The following RAD51B variants were observed in gnomAD, a reference collection of about 807,000 sequenced individuals.
RAD51B encodes RAD51 paralog B, also known as DNA repair protein RAD51 homolog 2.
A neutral mutation model predicts 42.2 loss-of-function variants in RAD51B; 38 were observed. The observed-to-expected ratio is 0.90, with a 90% confidence interval of 0.70 to 1.18. RAD51B has a LOEUF of 1.18. Among genes scored for constraint, RAD51B ranks in the 50% most tolerant of loss-of-function variants. The pLI, the probability that RAD51B is intolerant of heterozygous loss-of-function variation, is 0.00. For synonymous variants in RAD51B, 154 were observed against 145.2 expected (o/e 1.06, Z -0.43); for missense variants, 373 against 400.7 (o/e 0.93, Z 0.59).
At chr14:68,584,718 T>A (rs1199229266) in intron 10 of RAD51B, among the ~76,000 whole-genome samples, 1 of 152,234 alleles carries the variant, frequency 6.6e-6, no homozygotes, top group African/African-American at 2.4e-5. Context: ...TCCCCTGCTT[T>A]ATCACCTGTA....
Position 67,919,983 on chromosome 14 carries a change from C to T in RAD51B, c.756+32779C>T, listed in dbSNP as rs143314434. ...GCTTTTTTTTTCTTTTTCTTTTTCT[C>T]CAGGGAATGAGTGGGGTTATCCATT... On this transcript the variant is annotated intron_variant, in intron 7 of 10. Coordinates refer to ENST00000471583, the MANE Select transcript of RAD51B (RefSeq NM_133510.4). Among the ~76,000 whole-genome samples the T allele has an allele frequency of 8.1e-3, 1,225 of 151,826 alleles. 14 individuals carry two copies. The highest frequency in any genetic ancestry group is 0.028 in the African/African-American group (1,148 of 41,410).
intron 7 of RAD51B, among the ~76,000 whole-genome samples, chr14:67,955,139 C>G (rs2074523257): frequency 6.6e-6 from 1 of 152,042 alleles, no homozygotes; most frequent in African/African-American, 2.4e-5. Flanking sequence ...CAGCTGAGGA[C>G]AGATAGTTGA....
intron 7 of RAD51B, among the ~76,000 whole-genome samples, chr14:68,112,093 G>A (rs1240717032): frequency 1.3e-5 from 2 of 151,994 alleles, no homozygotes; most frequent in Non-Finnish European, 2.9e-5. Flanking sequence ...ACCTTTAAAG[G>A]AATTTTTAAA....
At chr14:68,486,705 T>TA in intron 10 of RAD51B, among the ~76,000 whole-genome samples, 1 of 152,356 alleles carries the variant, frequency 6.6e-6, no homozygotes, top group South Asian at 2.1e-4. Flanking sequence ...AACTGCTTGT[T>TA]AAACCCAACC....
At chr14:68,651,564 C>T (rs923179451) in intron 11 of RAD51B, among the ~76,000 whole-genome samples, 4 of 152,148 alleles carry the variant, frequency 2.6e-5, no homozygotes. Flanking sequence ...TGCTATATAG[C>T]TGAAGTCGAA....
chr14:68,621,877 C>G (rs1172302014), intron 10 of RAD51B, among the ~76,000 whole-genome samples: 1 of 152,170 alleles, frequency 6.6e-6, no homozygotes, highest in Non-Finnish European at 1.5e-5. Flanking sequence ...GTAATTGAAC[C>G]CAGAGCTTTG....
rs1270256071 is a variant in RAD51B, at chr14:68,652,429, C to T, written c.*11+1573C>T. On this transcript the variant is annotated intron_variant, in intron 11 of 11. Transcript: ENST00000488612. ...AAAGCAAGGCCTGAAGCCTGGACGG[C>T]CCCCTCCCCAGCCCTCCAACAGCAC... Among the ~76,000 whole-genome samples the T allele has an allele frequency of 4.6e-5, 7 of 152,340 alleles. 1 individual carries two copies. The highest frequency in any genetic ancestry group is 3.9e-4 in the Admixed American group (6 of 15,310).
intron 7 of RAD51B, among the ~76,000 whole-genome samples, chr14:68,093,861 A>G (rs1299700073): frequency 6.6e-6 from 1 of 152,140 alleles, no homozygotes; most frequent in Non-Finnish European, 1.5e-5. Flanking sequence ...CAGGGTATGT[A>G]CTGAGGGGTA....
chr14:68,102,926 A>T (rs1209857074), intron 7 of RAD51B, among the ~76,000 whole-genome samples: 5 of 152,180 alleles, frequency 3.3e-5, no homozygotes, highest in African/African-American at 1.2e-4. Context: ...GGAAATCATG[A>T]CAGAAGGGGA....
At chr14:68,680,561 T>A (rs773569083) in intron 11 of RAD51B, among the ~76,000 whole-genome samples, 1 of 152,192 alleles carries the variant, frequency 6.6e-6, no homozygotes, top group Non-Finnish European at 1.5e-5. Context: ...CACAAGCCAA[T>A]GCAAGCTTCA....
chr14:67,908,980 T>C (rs1210411523), intron 7 of RAD51B: 1 of 152,196 alleles, frequency 6.6e-6, no homozygotes, highest in African/African-American at 2.4e-5. Context: ...CTTTCATTAG[T>C]GTACAAGTTT....
chr14:68,279,798 G>C (rs535485028), intron 7 of RAD51B, among the ~76,000 whole-genome samples: 1 of 152,230 alleles, frequency 6.6e-6, no homozygotes, highest in East Asian at 1.9e-4. Flanking sequence ...AGTTTTAGAG[G>C]TATGCATTTG....
chr14:68,572,217 G>A (rs1652257640), intron 10 of RAD51B, among the ~76,000 whole-genome samples: 1 of 152,180 alleles, frequency 6.6e-6, no homozygotes, highest in South Asian at 2.1e-4. Flanking sequence ...ATATACTAGT[G>A]GGTTCCGCTA....
chr14:68,334,492 G>T (rs1241077341), intron 8 of RAD51B, among the ~76,000 whole-genome samples: 1 of 152,180 alleles, frequency 6.6e-6, no homozygotes, highest in Non-Finnish European at 1.5e-5. Context: ...GGTGGCAGAG[G>T]TAGAAGAGGT....
intron 10 of RAD51B, among the ~76,000 whole-genome samples, chr14:68,553,897 A>G (rs751020115): frequency 6.6e-6 from 1 of 152,228 alleles, no homozygotes; most frequent in African/African-American, 2.4e-5. Context: ...CAGAGCTAAG[A>G]AATGAGCTTT....
intron 10 of RAD51B, among the ~76,000 whole-genome samples, chr14:68,630,720 CT>C (rs55650097): frequency 0.39 from 59,506 of 151,546 alleles, 12,485 homozygotes; most frequent in African/African-American, 0.49. Context: ...CGGGCACATC[CT>C]TTTTTTCGTA....
chr14:67,993,394 G>A (rs1457634168), intron 7 of RAD51B, among the ~76,000 whole-genome samples: 2 of 151,972 alleles, frequency 1.3e-5, no homozygotes, highest in African/African-American at 4.8e-5. Context: ...ATTTCCATGA[G>A]TTCAATTATT....
intron 7 of RAD51B, among the ~76,000 whole-genome samples, chr14:68,285,685 G>T (rs1025151071): frequency 6.6e-6 from 1 of 152,188 alleles, no homozygotes; most frequent in Non-Finnish European, 1.5e-5. Context: ...GGGAGTGGGC[G>T]GGAGGAGGAA....
chr14:68,042,749 G>T (rs2076237589), intron 7 of RAD51B, among the ~76,000 whole-genome samples: 1 of 152,198 alleles, frequency 6.6e-6, no homozygotes, highest in Non-Finnish European at 1.5e-5. Flanking sequence ...GGTGATGGAG[G>T]CTCCGAGGCA....
Sources: allele counts gnomAD v4.1 joint callset (sites outside exome capture counted in the v4.1 genomes callset), GRCh38; gene constraint gnomAD v4.1.1; transcripts MANE v1.5; gene names NCBI Gene and HGNC (gene_info 2026-07-23, HGNC 2026-07-21).